Variants in APLP1 observed in about 807,000 individuals in gnomAD.
APLP1 encodes the protein amyloid beta precursor like protein 1.
A neutral mutation model predicts 84.5 loss-of-function variants in APLP1; 46 were observed. That is an observed-to-expected ratio of 0.54 (90% CI 0.43 to 0.70). The LOEUF (loss-of-function observed/expected upper bound fraction) is 0.70, where lower values mean the gene tolerates loss of function less well. Ranked by LOEUF, APLP1 falls within the 30% of genes least tolerant of loss-of-function variation. The pLI is 0.00. For synonymous variants in APLP1, 376 were observed against 364.0 expected (o/e 1.03, Z -0.38); for missense variants, 826 against 900.2 (o/e 0.92, Z 1.05).
At chr19:35,869,607 C>A in intron 1 of APLP1, 60 bp from the exon 2 acceptor site, 6 of 1,598,338 alleles carry the variant, frequency 3.8e-6, no homozygotes, top group South Asian at 2.2e-5. Flanking sequence ...GAGCAAAGAA[C>A]CAGGGGACCC....
rs531008640 is a variant in APLP1 at position 35,874,085 on chromosome 19, C to A, written c.1056+372C>A. On this transcript the variant is annotated intron_variant, in intron 8 of 16. Coordinates refer to ENST00000221891, the MANE Select transcript of APLP1 (RefSeq NM_001024807.3). The surrounding 1 kb of genome is among the most constrained non-coding windows in gnomAD (Gnocchi z 6.4). ...TTCTGGCTCTGCTGGGCCAATCTCA[C>A]CTTTATTAACCTGACCTACCCCATG... Among the ~76,000 whole-genome samples, 1 of 152,272 alleles carries A rather than the reference C, an allele frequency of 6.6e-6. No individual in the cohort carries two copies. Among genetic ancestry groups the A allele is most frequent in the South Asian group, 2.1e-4 (1 of 4,822 alleles).
chr19:35,871,629 C>T lies in APLP1; in HGVS notation c.555C>T (p.Gly185=), dbSNP rs555277005. 1.1e-4 allele frequency: 170 copies of T among 1,614,068 alleles called. 2 individuals carry two copies. The South Asian group carries it at 1.8e-3, about 18-fold the overall frequency. Residue 185 remains glycine (G), a synonymous_variant, in exon 5 of 17, where the codon GGC becomes GGT. Coordinates refer to ENST00000221891, the MANE Select transcript of APLP1 (RefSeq NM_001024807.3). ...TCCTACAGGCCTGCAGCTCCCAGGG[C>T]CTCATCCTGCACGGCTCGGGCATGC... ...QEAQEACSSQ[G]LILHGSGMLL...
chr19:35,872,820 G>A (rs1373012518), intron 7 of APLP1, among the ~76,000 whole-genome samples: 1 of 151,558 alleles, frequency 6.6e-6, no homozygotes, highest in African/African-American at 2.4e-5. Flanking sequence ...GGAAACTCTG[G>A]TCTATGGTAC....
At position 35,871,619 on chromosome 19, in the gene APLP1, G is replaced by A; in HGVS notation, c.545G>A (p.Ser182Asn). 6.2e-7 allele frequency: 1 copy of A among 1,613,852 alleles called. No homozygotes were observed. Among genetic ancestry groups the A allele is most frequent in the South Asian group, 1.1e-5 (1 of 91,068 alleles). ...RRHQEAQEAC[S>N]SQGLILHGSG... The stretch of plus-strand genomic sequence containing the variant: ...GGCCCACTCTTCCTACAGGCCTGCA[G>A]CTCCCAGGGCCTCATCCTGCACGGC... The change falls in exon 5 of 17, where the codon AGC becomes AAC. Residue 182 changes from serine to asparagine, a missense_variant. Physicochemically the swap from Ser to Asn is conservative, Grantham distance 46. Around this residue, in one of 3 missense-constraint regions of APLP1, gnomAD observed 383 missense variants for 378.3 expected, o/e 1.01. Coordinates refer to ENST00000221891, the MANE Select transcript of APLP1 (RefSeq NM_001024807.3).
intron 14 of APLP1, 33 bp from the exon 15 acceptor site, chr19:35,878,854 AGGC>A (rs1350039855): frequency 2.5e-6 from 4 of 1,610,852 alleles, no homozygotes; most frequent in African/African-American, 2.7e-5. Flanking sequence ...AGCCAGTGCC[AGGC>A]TTCTGGGTTC....
Position 35,876,570 on chromosome 19 carries a change from G to A in APLP1, c.1398G>A (p.Leu466=), listed in dbSNP as rs368465916. 12 of 1,613,376 alleles carry A rather than the reference G, an allele frequency of 7.4e-6. No homozygotes were observed. Among genetic ancestry groups the A allele is most frequent in the Non-Finnish European group, 8.5e-6 (10 of 1,179,784 alleles). ...IEERVNQSLG[L]LDQNPHLAQE... is the part of the protein sequence containing the mutation. ...AGAGGGTGAATCAGAGCCTGGGCCT[G>A]CTTGACCAGAACCCCCACCTGGCTC... Residue 466 remains leucine, a synonymous_variant, in exon 11 of 17, where the codon CTG becomes CTA. Transcript: ENST00000221891.
intron 10 of APLP1, among the ~76,000 whole-genome samples, chr19:35,876,038 G>A (rs891320868): frequency 2.3e-4 from 35 of 152,224 alleles, no homozygotes; most frequent in African/African-American, 8.0e-4. Flanking sequence ...GCCTCCCAAA[G>A]TGCTGGGATT....
intron 13 of APLP1, among the ~76,000 whole-genome samples, 179 bp downstream of exon 13, chr19:35,878,287 C>G (rs551079186): frequency 6.6e-6 from 1 of 152,096 alleles, no homozygotes; most frequent in African/African-American, 2.4e-5. Flanking sequence ...GACTCACACC[C>G]GTAATCCTAG....
intron 13 of APLP1, 36 bp from the exon 14 acceptor site, chr19:35,878,548 G>GA (rs543060728): frequency 0.074 from 67,801 of 913,710 alleles, 3 homozygotes; most frequent in Non-Finnish European, 0.083. Context: ...TCTGTCTAAA[G>GA]AAAAAAAAAA....
chr19:35,879,534 T>C lies in APLP1; in HGVS notation c.*93T>C. On this transcript the variant is annotated 3_prime_UTR_variant, in exon 17 of 17. Coordinates refer to ENST00000221891, the MANE Select transcript of APLP1 (RefSeq NM_001024807.3). The stretch of plus-strand genomic sequence containing the variant: ...TCCCAGCCTAGGGCAGCAGGGAGTC[T>C]TGAAGTGATCATTTCACACCCTTTT... 9.4e-7 allele frequency: 1 copy of C among 1,062,566 alleles called. No individual in the cohort carries two copies. The highest frequency in any genetic ancestry group is 1.4e-6 in the Non-Finnish European group (1 of 708,072). 65.8% of individuals were successfully genotyped at this position (1,062,566 alleles called of 1,614,324 possible).
intron 4 of APLP1, 64 bp downstream of exon 4, chr19:35,871,413 T>A: frequency 7.4e-7 from 1 of 1,349,608 alleles, no homozygotes; most frequent in Non-Finnish European, 1.0e-6. Context: ...TCTAACACCC[T>A]CCGCCACCAG....
At position 35,868,755 on chromosome 19, in the gene APLP1, T is replaced by TGGCCGGTGGGAGCCC; in HGVS notation, c.120_134dup (p.Ala41_Pro45dup). On this transcript the variant is annotated inframe_insertion, in exon 1 of 17. Transcript: ENST00000221891. This position sits in a 1 kb window ranked among gnomAD's most constrained non-coding sequence, Gnocchi z 5.2. ...CGCGCGCAGCCCGCCATCGGGAGCC[T>TGGCCGGTGGGAGCCC]GGCCGGTGGGAGCCCCGGCGCGGCC... is the stretch of plus-strand genomic sequence containing the variant. 1 of 1,273,378 alleles carries TGGCCGGTGGGAGCCC rather than the reference T, an allele frequency of 7.9e-7. No individual in the cohort carries two copies. Among genetic ancestry groups the TGGCCGGTGGGAGCCC allele is most frequent in the Non-Finnish European group, 9.9e-7 (1 of 1,010,774 alleles). 78.9% of individuals were successfully genotyped at this position (1,273,378 alleles called of 1,614,324 possible).
chr19:35,871,859 G>T lies in APLP1; in HGVS notation c.673G>T (p.Asp225Tyr), dbSNP rs150267124. The change falls in exon 6 of 17, where the codon GAC (aspartate) becomes TAC (tyrosine). Residue 225 changes from aspartate to tyrosine, a missense_variant and splice_region_variant. By Grantham distance (160) the Asp-to-Tyr change is radical. Transcript: ENST00000221891. The part of the protein sequence containing the change: ...TPDPSGTAVG[D>Y]PSTRSWPPGS... ...CTGGGTCCTCTCCTGCTCCCTCAGT[G>T]ACCCCTCCACCCGGTCCTGGCCCCC... 1 of 1,613,824 alleles carries T rather than the reference G, an allele frequency of 6.2e-7. No individual in the cohort carries two copies. The highest frequency in any genetic ancestry group is 1.3e-5 in the African/African-American group (1 of 75,032).
intron 7 of APLP1, 104 bp from the exon 8 acceptor site, chr19:35,873,535 C>T: frequency 8.6e-7 from 1 of 1,164,474 alleles, no homozygotes. Flanking sequence ...GCATGAGCCA[C>T]TGCGCCCAGC....
At chr19:35,871,120 G>C in intron 3 of APLP1, 92 bp downstream of exon 3, 1 of 1,509,388 alleles carries the variant, frequency 6.6e-7, no homozygotes, top group Non-Finnish European at 8.9e-7. Context: ...TAAGGGGCTG[G>C]GTGCTTGTGT....
At chr19:35,869,834 G>A (rs1485863747) in intron 2 of APLP1, 24 bp downstream of exon 2, 6 of 1,566,656 alleles carry the variant, frequency 3.8e-6, no homozygotes, top group Non-Finnish European at 5.2e-6. Flanking sequence ...AACGGGAGAG[G>A]CGGGGCCGCC....
chr19:35,873,421 C>A (rs1382987866), intron 7 of APLP1, among the ~76,000 whole-genome samples: 2 of 151,386 alleles, frequency 1.3e-5, no homozygotes, highest in African/African-American at 4.9e-5. Flanking sequence ...ATAATTTTTT[C>A]TGTTTTCAGT....
rs747473749 is a variant in APLP1 at position 35,876,577 on chromosome 19, C to G, written c.1405C>G (p.Gln469Glu). ...RVNQSLGLLD[Q>E]NPHLAQELRP... ...GAATCAGAGCCTGGGCCTGCTTGAC[C>G]AGAACCCCCACCTGGCTCAGGAGCT... The change falls in exon 11 of 17, where the codon CAG (glutamine) becomes GAG (glutamate). Residue 469 changes from glutamine to glutamate, a missense_variant. Coordinates refer to ENST00000221891, the MANE Select transcript of APLP1 (RefSeq NM_001024807.3). The G allele has an allele frequency of 6.2e-7, 1 of 1,613,574 alleles. No homozygotes were observed. The highest frequency in any genetic ancestry group is 2.2e-5 in the East Asian group (1 of 44,844).
At chr19:35,870,693 A>G (rs934706074) in intron 2 of APLP1, 1 of 624,162 alleles carries the variant, frequency 1.6e-6, no homozygotes, top group East Asian at 3.3e-5. Flanking sequence ...CTGAGACAGG[A>G]GAATCGCTTG....
Sources: gnomAD v4.1 joint callset for allele counts (sites outside exome capture counted in the v4.1 genomes callset) on GRCh38, gnomAD v4.1.1 for gene constraint, gnomAD v4.1.1 regional missense constraint, Gnocchi (gnomAD v3.1) non-coding constraint, MANE v1.5 for transcripts, NCBI Gene and HGNC (gene_info 2026-07-23, HGNC 2026-07-21) for gene names.